Variants in SUSD1 observed in about 807,000 individuals in gnomAD.
The protein encoded by SUSD1 is sushi domain-containing protein 1.
In SUSD1, 65 loss-of-function variants were observed where a neutral mutation model predicts 86.9. The ratio of observed to expected loss-of-function variants is 0.75; its 90% CI spans 0.61 to 0.92. The LOEUF is 0.92. Ranked by LOEUF, SUSD1 falls within the 40% of genes least tolerant of loss-of-function variation. The pLI is 0.00. For synonymous variants in SUSD1, 346 were observed against 350.0 expected, an observed-to-expected ratio of 0.99 and a Z score of 0.13; for missense variants, 850 against 929.7, an observed-to-expected ratio of 0.91 and a Z score of 1.11.
At chr9:112,135,091 T>C (rs1178507771) in intron 5 of SUSD1, among the ~76,000 whole-genome samples, 2 of 151,972 alleles carry the variant, frequency 1.3e-5, no homozygotes, top group African/African-American at 2.4e-5. Flanking sequence ...GAAAATGTTA[T>C]TGCAAGCATA....
rs1564330740 is a variant in SUSD1, at chr9:112,140,079, G to GTCCAGGCATGGTAGTTC, written c.706+2240_706+2241insGAACTACCATGCCTGGA. Among the ~76,000 whole-genome samples the GTCCAGGCATGGTAGTTC allele has an allele frequency of 4.5e-4, 58 of 128,866 alleles. 1 individual carries two copies. Among genetic ancestry groups the GTCCAGGCATGGTAGTTC allele is most frequent in the African/African-American group, 9.5e-4 (26 of 27,504 alleles). The allele number at this position is 128,866 out of a possible 152,430, so 84.5% of individuals were successfully genotyped here. On this transcript the variant is annotated intron_variant, in intron 5 of 16. Transcript: ENST00000374270. ...CATCTCTATAAAAAATACAAAAATTGGGGCCGGGCGCGGTGGCTCACGCCT... is the reference window on the plus strand; with the variant it reads ...CATCTCTATAAAAAATACAAAAATTGTCCAGGCATGGTAGTTCGGGCCGGGCGCGGTGGCTCACGCCT...
At chr9:112,165,857 G>GAGAAAGA (rs879435864) in intron 1 of SUSD1, among the ~76,000 whole-genome samples, 9 of 139,526 alleles carry the variant, frequency 6.5e-5, no homozygotes, top group Admixed American at 1.5e-4. Flanking sequence ...AGAAAGAGAA[G>GAGAAAGA]GAAGGAAGGA....
At chr9:112,117,268 C>T (rs1408559136) in intron 6 of SUSD1, among the ~76,000 whole-genome samples, 1 of 152,244 alleles carries the variant, frequency 6.6e-6, no homozygotes, top group Non-Finnish European at 1.5e-5. Context: ...AACTCCATCT[C>T]CCTCTCTCCT....
chr9:112,125,926 A>G (rs1024341649), intron 5 of SUSD1, among the ~76,000 whole-genome samples: 1 of 152,120 alleles, frequency 6.6e-6, no homozygotes, highest in Non-Finnish European at 1.5e-5. Flanking sequence ...GATCTCATCT[A>G]ATTTCCAACC....
intron 10 of SUSD1, among the ~76,000 whole-genome samples, chr9:112,090,003 G>T (rs1830142359): frequency 1.3e-5 from 2 of 152,162 alleles, no homozygotes; most frequent in African/African-American, 2.4e-5. Context: ...ACAGGTGACA[G>T]GCCAGATTTG....
intron 12 of SUSD1, among the ~76,000 whole-genome samples, chr9:112,074,711 C>T (rs1222412495): frequency 1.3e-5 from 2 of 152,084 alleles, no homozygotes; most frequent in African/African-American, 4.8e-5. Context: ...TAAGGCCACA[C>T]ACTTCTTAGG....
chr9:112,148,906 TAA>T (rs34699293), intron 3 of SUSD1, among the ~76,000 whole-genome samples: 5 of 142,162 alleles, frequency 3.5e-5, no homozygotes, highest in Non-Finnish European at 6.1e-5. Flanking sequence ...ACCCCCCCCT[TAA>T]AAAAAAAAAA....
intron 15 of SUSD1, among the ~76,000 whole-genome samples, chr9:112,048,482 A>G (rs1185623726): frequency 1.3e-5 from 2 of 152,164 alleles, no homozygotes; most frequent in African/African-American, 2.4e-5. Flanking sequence ...GGCTTATTTG[A>G]TAAGTATTGC....
Position 112,145,277 on chromosome 9 carries a change from C to CTTTTTTTTTTTT in SUSD1, c.374-1655_374-1654insAAAAAAAAAAAA, listed in dbSNP as rs1564337084. Among the ~76,000 whole-genome samples the CTTTTTTTTTTTT allele has an allele frequency of 1.6e-5, 2 of 125,210 alleles. 1 individual carries two copies. Among genetic ancestry groups the CTTTTTTTTTTTT allele is most frequent in the Non-Finnish European group, 3.5e-5 (2 of 57,806 alleles). 82.1% of individuals were successfully genotyped at this position (125,210 alleles called of 152,430 possible). A position where few individuals can be genotyped will look rare whatever the true frequency, so the allele number is the denominator to read the frequency against. On this transcript the variant is annotated intron_variant, in intron 3 of 16. Transcript: ENST00000374270. ...CAAAAAGCTAGTAATACCATAATTT[C>CTTTTTTTTTTTT]CTTTTTTTTTTTTTTTTTTTGAGAC...
intron 12 of SUSD1, among the ~76,000 whole-genome samples, chr9:112,064,492 A>C (rs1286215881): frequency 6.6e-6 from 1 of 152,198 alleles, no homozygotes; most frequent in East Asian, 1.9e-4. Context: ...CCCTGGCACC[A>C]ACAAGGCTGG....
Position 112,058,612 on chromosome 9 carries a change from A to G in SUSD1, c.1925T>C (p.Phe642Ser). The change falls in exon 14 of 17, where the codon TTC (phenylalanine) becomes TCC (serine). Residue 642 changes from phenylalanine to serine, a missense_variant. By Grantham distance (155) the Phe-to-Ser change is radical (BLOSUM62 -2). Transcript: ENST00000374270. ...FSCDSEGASS[F>S]FSNASDADGY... ...ATCAGCATCAGAGGCGTTGCTAAAG[A>G]AGGAGGAAGCGCCTTCAGAATCACA... 6.2e-7 allele frequency: 1 copy of G among 1,614,126 alleles called. No individual in the cohort carries two copies. Among genetic ancestry groups the G allele is most frequent in the Non-Finnish European group, 8.5e-7 (1 of 1,180,020 alleles).
chr9:112,139,872 T>A (rs1055450504), intron 5 of SUSD1, among the ~76,000 whole-genome samples: 3 of 151,896 alleles, frequency 2.0e-5, no homozygotes, highest in Non-Finnish European at 2.9e-5. Context: ...ATTAAAAAAA[T>A]TTTTTTTCAC....
intron 12 of SUSD1, among the ~76,000 whole-genome samples, chr9:112,064,603 C>T (rs1316617950): frequency 2.6e-5 from 4 of 152,152 alleles, no homozygotes; most frequent in East Asian, 3.8e-4. Context: ...TGCGGGGGTG[C>T]GGTGGCTCAC....
chr9:112,074,722 A>G (rs1001592087), intron 12 of SUSD1, among the ~76,000 whole-genome samples: 2 of 152,132 alleles, frequency 1.3e-5, no homozygotes, highest in African/African-American at 4.8e-5. Context: ...ACTTCTTAGG[A>G]AACCACGAGT....
chr9:112,170,374 C>T (rs1300289482), intron 1 of SUSD1, among the ~76,000 whole-genome samples: 2 of 152,000 alleles, frequency 1.3e-5, no homozygotes, highest in Non-Finnish European at 2.9e-5. Context: ...AACTTCCTGA[C>T]CTCCAGCCAG....
intron 2 of SUSD1, among the ~76,000 whole-genome samples, chr9:112,154,265 G>T (rs1049613520): frequency 2.7e-5 from 4 of 148,784 alleles, no homozygotes; most frequent in Non-Finnish European, 4.4e-5. Context: ...AAGGCAGGCA[G>T]ATCACTTGAG....
rs1379791793 is a variant in SUSD1, at chr9:112,140,291, A to G, written c.706+2029T>C. Among the ~76,000 whole-genome samples, 24 of 131,076 alleles carry G rather than the reference A, an allele frequency of 1.8e-4. 4 individuals carry two copies. Among genetic ancestry groups the G allele is most frequent in the Non-Finnish European group, 2.2e-4 (14 of 63,718 alleles). 86.0% of individuals were successfully genotyped at this position (131,076 alleles called of 152,430 possible). On this transcript the variant is annotated intron_variant, in intron 5 of 16. Transcript: ENST00000374270. ...GCAGGAGAATGGCGTGAACCCGGGA[A>G]GCGGAGCTTGCCGTGAGCCGAGATT...
At chr9:112,129,174 T>C (rs143952939) in intron 5 of SUSD1, among the ~76,000 whole-genome samples, 1 of 152,200 alleles carries the variant, frequency 6.6e-6, no homozygotes, top group East Asian at 1.9e-4. Flanking sequence ...GGATTTGTGA[T>C]GTATTCTGGA....
intron 6 of SUSD1, among the ~76,000 whole-genome samples, chr9:112,121,068 C>T (rs887211207): frequency 6.6e-6 from 1 of 152,226 alleles, no homozygotes; most frequent in African/African-American, 2.4e-5. Flanking sequence ...TCTAGTCCAG[C>T]GTGGCATTAG....
Sources: allele counts gnomAD v4.1 joint callset (sites outside exome capture counted in the v4.1 genomes callset), GRCh38; gene constraint gnomAD v4.1.1; transcripts MANE v1.5; gene names NCBI Gene and HGNC (gene_info 2026-07-23, HGNC 2026-07-21).